Variants in HOMER2 observed in about 807,000 individuals in gnomAD.
The protein encoded by HOMER2 is homer scaffold protein 2.
A neutral mutation model predicts 47.0 loss-of-function variants in HOMER2; 27 were observed. The observed-to-expected ratio is 0.57, with a 90% CI of 0.42 to 0.79. HOMER2 has a LOEUF of 0.79. Ranked by LOEUF, HOMER2 falls within the 30% of genes least tolerant of loss-of-function variation. HOMER2 has a pLI of 0.00. For missense variants in HOMER2, 443 were observed against 435.0 expected, an observed-to-expected ratio of 1.02 and a Z score of -0.16; for synonymous variants, 161 against 163.8, an observed-to-expected ratio of 0.98 and a Z score of 0.13.
At chr15:82,948,757 T>G (rs1315454482) in intron 1 of HOMER2, among the ~76,000 whole-genome samples, 1 of 152,126 alleles carries the variant, frequency 6.6e-6, no homozygotes, top group African/African-American at 2.4e-5. Flanking sequence ...AAAGGAGATC[T>G]ATGTTAGCAG....
At chr15:82,940,597 G>T (rs1351638609) in intron 1 of HOMER2, among the ~76,000 whole-genome samples, 1 of 152,268 alleles carries the variant, frequency 6.6e-6, no homozygotes, top group Middle Eastern at 3.4e-3. Flanking sequence ...CAAAAAATTA[G>T]CCTGGTGCCT....
At chr15:82,860,013 T>C (rs1308982107) in intron 4 of HOMER2, among the ~76,000 whole-genome samples, 1 of 152,006 alleles carries the variant, frequency 6.6e-6, no homozygotes, top group Non-Finnish European at 1.5e-5. Flanking sequence ...TTTGGGAGGC[T>C]GAGGCGGGCA....
At chr15:82,976,678 GTTTTT>G (rs11422973) in intron 1 of HOMER2, among the ~76,000 whole-genome samples, 1 of 125,208 alleles carries the variant, frequency 8.0e-6, no homozygotes, top group African/African-American at 3.0e-5. Flanking sequence ...TTTGTGTGTG[GTTTTT>G]TTTTTTTTTT....
chr15:82,891,003 T>C (rs1048715572), intron 2 of HOMER2, among the ~76,000 whole-genome samples: 3 of 152,160 alleles, frequency 2.0e-5, no homozygotes, highest in Non-Finnish European at 4.4e-5. Flanking sequence ...ACCTACTATG[T>C]GCCAGGCACT....
At position 82,875,322 on chromosome 15, in the gene HOMER2, G is replaced by C. The variant is rs1253994828; in HGVS notation, c.245C>G (p.Ala82Gly). 6 of 1,613,956 alleles carry C rather than the reference G, an allele frequency of 3.7e-6. No homozygotes were observed. In the East Asian group the frequency reaches 1.1e-4, roughly 30 times the overall value. The change falls in exon 3 of 9, where the codon GCC (alanine) becomes GGC (glycine). Residue 82 changes from alanine to glycine, a missense_variant. Physicochemically the swap from Ala to Gly is moderately conservative, Grantham distance 60. Coordinates refer to ENST00000450735, the MANE Select transcript of HOMER2 (RefSeq NM_004839.4). ...QKFGQWADSRANTVFGLGFSS... is the reference protein window; with the variant it reads ...QKFGQWADSRGNTVFGLGFSS... The stretch of plus-strand genomic sequence containing the variant: ...AAACCCCAAACCAAACACTGTGTTG[G>C]CTCTGCTGTCGGCCCACTGCCCAAA...
Position 82,849,544 on chromosome 15 carries a change from AGAG to A in HOMER2, c.*168_*170del, listed in dbSNP as rs1435547072. On this transcript the variant is annotated 3_prime_UTR_variant, in exon 9 of 9. Coordinates refer to ENST00000450735, the MANE Select transcript of HOMER2 (RefSeq NM_004839.4). ...ACAACCTCACAAGGCCAGAGAAGCG[AGAG>A]GAGATTTCTATTCTGAAAAGGAGTG... 7 of 606,818 alleles carry A rather than the reference AGAG, an allele frequency of 1.2e-5. No homozygotes were observed. The highest frequency in any genetic ancestry group is 6.4e-5 in the South Asian group (3 of 46,730). 37.6% of individuals were successfully genotyped at this position (606,818 alleles called of 1,614,324 possible).
intron 1 of HOMER2, among the ~76,000 whole-genome samples, chr15:82,928,070 A>G (rs749106207): frequency 1.3e-4 from 19 of 151,932 alleles, no homozygotes; most frequent in Non-Finnish European, 1.8e-4. Context: ...GCCCGGCCCA[A>G]CTCTGTATCC....
chr15:82,967,921 G>A (rs2054690115), intron 1 of HOMER2, among the ~76,000 whole-genome samples: 1 of 151,918 alleles, frequency 6.6e-6, no homozygotes, highest in African/African-American at 2.4e-5. Flanking sequence ...CCACAAAGCA[G>A]AGATATCTCA....
chr15:82,878,275 G>A (rs2052412109), intron 2 of HOMER2, among the ~76,000 whole-genome samples: 1 of 152,074 alleles, frequency 6.6e-6, no homozygotes, highest in Non-Finnish European at 1.5e-5. Context: ...GAATAACAAT[G>A]GTGATACCCC....
chr15:82,905,431 A>C (rs1261985804), intron 1 of HOMER2, among the ~76,000 whole-genome samples: 1 of 152,212 alleles, frequency 6.6e-6, no homozygotes, highest in East Asian at 1.9e-4. Flanking sequence ...TTTCCCCCAA[A>C]TTAATGTCAG....
chr15:82,880,962 C>T (rs2151082193), intron 2 of HOMER2, among the ~76,000 whole-genome samples: 1 of 152,270 alleles, frequency 6.6e-6, no homozygotes, highest in East Asian at 1.9e-4. Flanking sequence ...CAGCTGAGTG[C>T]CCTCAATGCG....
At chr15:82,901,427 G>A in intron 1 of HOMER2, among the ~76,000 whole-genome samples, 1 of 152,156 alleles carries the variant, frequency 6.6e-6, no homozygotes, top group Non-Finnish European at 1.5e-5. Context: ...AAACTCACTA[G>A]CAACATAGCA....
At position 82,913,204 on chromosome 15, in the gene HOMER2, G is replaced by A. The variant is rs186120999; in HGVS notation, c.6-20363C>T. Reference sequence around the variant, plus strand: ...ATTCACTCCTTGTATGAAGTGCCACGATGGAGTTAAAGCTCAGCATCCCTG... The same window carrying A: ...ATTCACTCCTTGTATGAAGTGCCACAATGGAGTTAAAGCTCAGCATCCCTG... On this transcript the variant is annotated intron_variant, in intron 1 of 8. Coordinates refer to ENST00000450735, the MANE Select transcript of HOMER2 (RefSeq NM_004839.4). The surrounding 1 kb of genome is among the most constrained non-coding windows in gnomAD (Gnocchi z 4.1). Among the ~76,000 whole-genome samples the A allele has an allele frequency of 5.3e-5, 8 of 152,262 alleles. No homozygotes were observed. In the East Asian group the frequency reaches 1.2e-3, roughly 22 times the overall value.
At chr15:82,933,754 G>A (rs1347611337) in intron 1 of HOMER2, among the ~76,000 whole-genome samples, 1 of 152,186 alleles carries the variant, frequency 6.6e-6, no homozygotes, top group Non-Finnish European at 1.5e-5. Context: ...TTCAGAGTTT[G>A]AGGCAGCATC....
intron 1 of HOMER2, among the ~76,000 whole-genome samples, chr15:82,937,378 GCT>G (rs2054164796): frequency 1.3e-5 from 2 of 152,198 alleles, no homozygotes; most frequent in Non-Finnish European, 2.9e-5. Flanking sequence ...GACTGAGTGG[GCT>G]GAGGGACAGT....
upstream of HOMER2, among the ~76,000 whole-genome samples, chr15:82,956,953 G>A (rs142348016): frequency 1.4e-3 from 215 of 152,190 alleles, no homozygotes; most frequent in Non-Finnish European, 2.4e-3. Flanking sequence ...TCTAATCTAC[G>A]AAGTGGCGAT....
intron 1 of HOMER2, among the ~76,000 whole-genome samples, chr15:82,948,106 G>T (rs1034097363): frequency 1.3e-5 from 2 of 152,062 alleles, no homozygotes; most frequent in Non-Finnish European, 2.9e-5. Context: ...AATTAGCTGG[G>T]TGTGGCCGGG....
chr15:82,882,787 C>G lies in HOMER2; in HGVS notation c.163-7383G>C, dbSNP rs543669138. Among the ~76,000 whole-genome samples the G allele has an allele frequency of 7.1e-3, 1,082 of 152,116 alleles. 12 individuals carry two copies. Among genetic ancestry groups the G allele is most frequent in the African/African-American group, 0.025 (1,021 of 41,472 alleles). Reference sequence around the variant, plus strand: ...GGCCACAGCTTTCCTTCTCAAAGAGCCTGTGCTCTTTGGCTGCCCACAGTT... The same window carrying G: ...GGCCACAGCTTTCCTTCTCAAAGAGGCTGTGCTCTTTGGCTGCCCACAGTT... On this transcript the variant is annotated intron_variant, in intron 2 of 8. Transcript: ENST00000450735.
At chr15:82,945,032 A>G (rs561147563) in intron 1 of HOMER2, among the ~76,000 whole-genome samples, 53 of 152,254 alleles carry the variant, frequency 3.5e-4, no homozygotes, top group African/African-American at 1.2e-3. Context: ...TCCACCAACC[A>G]ACCTTAGCAA....
Sources: allele counts gnomAD v4.1 joint callset (sites outside exome capture counted in the v4.1 genomes callset), GRCh38; gene constraint gnomAD v4.1.1; non-coding constraint Gnocchi (gnomAD v3.1); transcripts MANE v1.5; gene names NCBI Gene and HGNC (gene_info 2026-07-23, HGNC 2026-07-21).